The following HDAC7 variants were observed in gnomAD, a reference collection of about 807,000 sequenced individuals.
HDAC7 encodes histone deacetylase 7.
Under a neutral mutation model 115.5 loss-of-function variants are expected in HDAC7, and 26 were observed. The ratio of observed to expected loss-of-function variants is 0.23; its 90% CI spans 0.16 to 0.31. The LOEUF (loss-of-function observed/expected upper bound fraction) is 0.31. Among genes scored for constraint, HDAC7 ranks in the 10% least tolerant of loss-of-function variants. HDAC7 has a pLI of 1.00. For missense variants in HDAC7, 1,068 were observed against 1,329.0 expected (o/e 0.80, Z 3.05); for synonymous variants, 564 against 550.9 (o/e 1.02, Z -0.33).
chr12:47,804,644 A>G (rs1462756410), intron 1 of HDAC7, among the ~76,000 whole-genome samples: 2 of 151,830 alleles, frequency 1.3e-5, no homozygotes, highest in Non-Finnish European at 2.9e-5. Context: ...CCCCTTTTCT[A>G]TCTTCTTTGG....
chr12:47,800,720 C>A (rs540249495), intron 2 of HDAC7, among the ~76,000 whole-genome samples: 1 of 152,326 alleles, frequency 6.6e-6, no homozygotes, highest in African/African-American at 2.4e-5. Context: ...TTGGGGGAAC[C>A]AAGGCCAGCG....
rs1257127022 is a variant in HDAC7 at position 47,782,908 on chromosome 12, C to T, written c.*933G>A. ...CTCACACACATTTTCCTTCTTGACC[C>T]CAGGCCTGGACCCCCAAAAGCCTTG... On this transcript the variant is annotated 3_prime_UTR_variant, in exon 26 of 26. Transcript: ENST00000080059. The T allele has an allele frequency of 1.3e-5, 2 of 153,176 alleles. No individual in the cohort carries two copies. Among genetic ancestry groups the T allele is most frequent in the African/African-American group, 4.8e-5 (2 of 41,444 alleles). The allele number at this position is 153,176 out of a possible 1,614,324, so 9.5% of individuals were successfully genotyped here. A position where few individuals can be genotyped will look rare whatever the true frequency, so the allele number is the denominator to read the frequency against.
chr12:47,789,143 A>G (rs1306900114), intron 19 of HDAC7, 118 bp downstream of exon 19: 1 of 803,080 alleles, frequency 1.2e-6, no homozygotes, highest in Non-Finnish European at 2.1e-6. Flanking sequence ...CACAAGGGGA[A>G]ACTGAGGCTC....
At position 47,793,349 on chromosome 12, in the gene HDAC7, CA is replaced by C; in HGVS notation, c.1678+19del. ...CAGCCGAGCCCCTCCCTCCACCCGC[CA>C]CCCTCCTCCCGGTCTCACCTGTGGT... On this transcript the variant is annotated intron_variant, in intron 13 of 25. Transcript: ENST00000080059. The surrounding 1 kb of genome is among the most constrained non-coding windows in gnomAD (Gnocchi z 4.5). 1 of 1,467,630 alleles carries C rather than the reference CA, an allele frequency of 6.8e-7. No homozygotes were observed. The highest frequency in any genetic ancestry group is 9.2e-7 in the Non-Finnish European group (1 of 1,092,754). 90.9% of individuals were successfully genotyped at this position (1,467,630 alleles called of 1,614,324 possible).
chr12:47,794,879 C>T lies in HDAC7; in HGVS notation c.1339G>A (p.Asp447Asn). ...PRLRQIPSAEDLETDGGGPGQ... is the reference protein window; with the variant it reads ...PRLRQIPSAENLETDGGGPGQ... Reference sequence around the variant, plus strand: ...GGTCCCCCGCCATCTGTCTCCAGGTCTTCAGCCGAGGGTATCTGCCGCAGC... The same window carrying T: ...GGTCCCCCGCCATCTGTCTCCAGGTTTTCAGCCGAGGGTATCTGCCGCAGC... The change falls in exon 12 of 26, where the codon GAC (aspartate) becomes AAC (asparagine). Residue 447 changes from aspartate to asparagine, a missense_variant. Physicochemically the swap from Asp to Asn is conservative, Grantham distance 23. Coordinates refer to ENST00000080059, the MANE Select transcript of HDAC7 (RefSeq NM_015401.5). 1 of 1,613,432 alleles carries T rather than the reference C, an allele frequency of 6.2e-7. No individual in the cohort carries two copies. The highest frequency in any genetic ancestry group is 8.5e-7 in the Non-Finnish European group (1 of 1,179,986).
chr12:47,820,269 G>A (rs955131498), upstream of HDAC7, among the ~76,000 whole-genome samples: 1 of 152,176 alleles, frequency 6.6e-6, no homozygotes, highest in Admixed American at 6.5e-5. The surrounding 1 kb of genome is among the most constrained non-coding windows in gnomAD (Gnocchi z 4.3). Flanking sequence ...ACGTACACGA[G>A]CACGCATCCA....
At chr12:47,810,803 GGTCTCTCTCT>G in intron 1 of HDAC7, among the ~76,000 whole-genome samples, 1 of 101,646 alleles carries the variant, frequency 9.8e-6, no homozygotes, top group Non-Finnish European at 2.0e-5. Context: ...GGGAGGAAAA[GGTCTCTCTCT>G]CTCTCTCTCT....
At chr12:47,799,018 C>T (rs774387298) in intron 2 of HDAC7, 46 bp from the exon 3 acceptor site, 6 of 1,346,866 alleles carry the variant, frequency 4.5e-6, no homozygotes, top group Middle Eastern at 2.1e-4. Context: ...AGTTTGTCCT[C>T]GGGGGCATGA....
At chr12:47,785,654 C>A in intron 23 of HDAC7, 98 bp downstream of exon 23, 1 of 1,465,370 alleles carries the variant, frequency 6.8e-7, no homozygotes, top group South Asian at 1.4e-5. Flanking sequence ...TTGGCCACTC[C>A]CACCCTGTCC....
At chr12:47,791,797 CAG>C in intron 14 of HDAC7, 72 bp downstream of exon 14, 1 of 1,567,472 alleles carries the variant, frequency 6.4e-7, no homozygotes, top group Admixed American at 1.8e-5. Context: ...TCATGGGCCC[CAG>C]GGCCCCCCAC....
chr12:47,808,405 T>G (rs1048727487), intron 1 of HDAC7, among the ~76,000 whole-genome samples: 1 of 152,118 alleles, frequency 6.6e-6, no homozygotes, highest in African/African-American at 2.4e-5. Flanking sequence ...TTGAGCTCCC[T>G]GGGGGTGGGA....
In HDAC7 at chr12:47,787,745, G is replaced by C. The variant is rs148606386; in HGVS notation, c.2420C>G (p.Pro807Arg). 107 of 1,612,142 alleles carry C rather than the reference G, an allele frequency of 6.6e-5. No individual in the cohort carries two copies. Among genetic ancestry groups the C allele is most frequent in the Non-Finnish European group, 8.9e-5 (105 of 1,179,412 alleles). ...AGCCAGGTACTCAGGATCCCCCATG[G>C]GGGGGTCCAGACCTCCAGCCCAGGC... ...NVAWAGGLDP[P>R]MGDPEYLAAF... Residue 807 changes from proline to arginine, a missense_variant, in exon 21 of 26, where the codon CCC (proline) becomes CGC (arginine). By Grantham distance (103) the Pro-to-Arg change is moderately radical. This residue lies in a region of HDAC7 where 182 missense variants were observed against 301.1 expected (regional missense o/e 0.60). Coordinates refer to ENST00000080059, the MANE Select transcript of HDAC7 (RefSeq NM_015401.5).
intron 24 of HDAC7, chr12:47,784,736 A>C (rs963236539): frequency 6.5e-7 from 1 of 1,535,476 alleles, no homozygotes; most frequent in Non-Finnish European, 8.7e-7. Context: ...GGCCAGGAGA[A>C]TGCTCCTCCT....
In HDAC7 at chr12:47,793,485, G is replaced by A. The variant is rs1418684524; in HGVS notation, c.1562C>T (p.Ser521Phe). Reference protein sequence around the residue: ...PLAQGGHRPLSRAQSSPAAPA... With the variant: ...PLAQGGHRPLFRAQSSPAAPA... The stretch of plus-strand genomic sequence containing the variant: ...TGCGGCTGGGGAAGACTGAGCCCGG[G>A]ACAGAGGCCGGTGCCCACCCTGGGC... The change falls in exon 13 of 26, where the codon TCC (serine) becomes TTC (phenylalanine). Residue 521 changes from serine to phenylalanine, a missense_variant. By Grantham distance (155) the Ser-to-Phe change is radical. This residue lies in a region of HDAC7 where 618 missense variants were observed against 701.5 expected (regional missense o/e 0.88). Coordinates refer to ENST00000080059, the MANE Select transcript of HDAC7 (RefSeq NM_015401.5). This position sits in a 1 kb window ranked among gnomAD's most constrained non-coding sequence, Gnocchi z 4.5. 1 of 1,550,908 alleles carries A rather than the reference G, an allele frequency of 6.4e-7. No homozygotes were observed. Among genetic ancestry groups the A allele is most frequent in the South Asian group, 1.2e-5 (1 of 84,288 alleles).
chr12:47,816,182 G>A (rs1006370618), intron 1 of HDAC7, among the ~76,000 whole-genome samples: 2 of 151,976 alleles, frequency 1.3e-5, no homozygotes, highest in African/African-American at 4.8e-5. Context: ...GTAAGTCACC[G>A]CGCCCGGCCC....
intron 1 of HDAC7, among the ~76,000 whole-genome samples, chr12:47,812,684 C>G (rs1046566827): frequency 6.6e-6 from 1 of 152,108 alleles, no homozygotes; most frequent in Admixed American, 6.5e-5. Context: ...ACAGTAGGGT[C>G]TAAGGCGATA....
chr12:47,808,453 C>T (rs979468578), intron 1 of HDAC7, among the ~76,000 whole-genome samples: 2 of 152,214 alleles, frequency 1.3e-5, no homozygotes, highest in African/African-American at 4.8e-5. Context: ...CACCCCAGAT[C>T]CCCAGCTCCA....
At chr12:47,784,747 G>T (rs2136896088) in intron 24 of HDAC7, 1 of 1,535,480 alleles carries the variant, frequency 6.5e-7, no homozygotes, top group East Asian at 2.4e-5. Flanking sequence ...TGCTCCTCCT[G>T]CCTGCTGCTG....
Position 47,793,448 on chromosome 12 carries a change from C to T in HDAC7, c.1599G>A (p.Leu533=), listed in dbSNP as rs1481804857. ...AQSSPAAPAS[L]SAPEPASQAR... ...CCTGGCTGGCAGGCTCTGGGGCTGA[C>T]AGTGAGGCAGGTGCGGCTGGGGAAG... The change falls in exon 13 of 26, where the codon CTG becomes CTA. Residue 533 remains leucine, a synonymous_variant. Transcript: ENST00000080059. This position sits in a 1 kb window ranked among gnomAD's most constrained non-coding sequence, Gnocchi z 4.5. 1 of 1,559,916 alleles carries T rather than the reference C, an allele frequency of 6.4e-7. No individual in the cohort carries two copies. The highest frequency in any genetic ancestry group is 2.3e-5 in the East Asian group (1 of 42,866).
Sources: gnomAD v4.1 joint callset for allele counts (sites outside exome capture counted in the v4.1 genomes callset) on GRCh38, gnomAD v4.1.1 for gene constraint, gnomAD v4.1.1 regional missense constraint, Gnocchi (gnomAD v3.1) non-coding constraint, MANE v1.5 for transcripts, NCBI Gene and HGNC (gene_info 2026-07-23, HGNC 2026-07-21) for gene names.